DLG2: variants seen among roughly 807,000 people sequenced by gnomAD.
DLG2 encodes the protein discs large MAGUK scaffold protein 2, also known as disks large homolog 2.
A neutral mutation model predicts 132.5 loss-of-function variants in DLG2; 45 were observed. The observed-to-expected ratio is 0.34, with a 90% CI of 0.27 to 0.44. The LOEUF (loss-of-function observed/expected upper bound fraction) is 0.44, where lower values mean the gene tolerates loss of function less well. Ranked by LOEUF, DLG2 falls within the 20% of genes least tolerant of loss-of-function variation. The pLI is 1.00. For synonymous variants in DLG2, 424 were observed against 419.6 expected, an observed-to-expected ratio of 1.01 and a Z score of -0.13; for missense variants, 1,045 against 1,196.9, an observed-to-expected ratio of 0.87 and a Z score of 1.87.
intron 6 of DLG2, among the ~76,000 whole-genome samples, chr11:84,908,945 G>T (rs1449684297): frequency 2.6e-5 from 4 of 151,742 alleles, no homozygotes; most frequent in African/African-American, 9.7e-5. Context: ...TAAATAACTA[G>T]CTCATGATCA....
intron 8 of DLG2, among the ~76,000 whole-genome samples, chr11:84,195,636 C>T (rs1355242272): frequency 6.6e-6 from 1 of 152,154 alleles, no homozygotes; most frequent in Non-Finnish European, 1.5e-5. Context: ...CCTCAGTGCC[C>T]TCATCTAGAA....
chr11:85,428,228 A>C (rs1282775276), intron 3 of DLG2, among the ~76,000 whole-genome samples: 1 of 152,180 alleles, frequency 6.6e-6, no homozygotes, highest in Non-Finnish European at 1.5e-5. Flanking sequence ...TGACACAGAA[A>C]GTTAACAAGG....
intron 6 of DLG2, among the ~76,000 whole-genome samples, chr11:84,603,700 T>A (rs2099580681): frequency 6.6e-6 from 1 of 151,982 alleles, no homozygotes; most frequent in Non-Finnish European, 1.5e-5. Flanking sequence ...TCTTCTTAGT[T>A]CTCACAATAT....
intron 18 of DLG2, among the ~76,000 whole-genome samples, chr11:83,713,204 CT>C (rs1215027796): frequency 2.0e-5 from 3 of 152,094 alleles, no homozygotes; most frequent in Admixed American, 6.6e-5. Flanking sequence ...GTAAAAAGAT[CT>C]CATCATTGGG....
At chr11:84,539,472 T>C (rs539492905) in intron 6 of DLG2, among the ~76,000 whole-genome samples, 3 of 152,340 alleles carry the variant, frequency 2.0e-5, no homozygotes, top group Admixed American at 1.3e-4. Context: ...GATTTCTCTA[T>C]TGCCTACAAA....
intron 3 of DLG2, among the ~76,000 whole-genome samples, chr11:85,323,759 T>A (rs1212666773): frequency 6.6e-6 from 1 of 152,250 alleles, no homozygotes; most frequent in Non-Finnish European, 1.5e-5. Flanking sequence ...ACAATACTTG[T>A]ATTTCTGTGT....
intron 6 of DLG2, chr11:84,923,513 G>T: frequency 9.7e-7 from 1 of 1,031,006 alleles, no homozygotes. Flanking sequence ...TAACCAATGA[G>T]TTACTTATAT....
intron 8 of DLG2, among the ~76,000 whole-genome samples, chr11:84,210,394 G>A (rs1369051903): frequency 2.3e-5 from 3 of 128,712 alleles, no homozygotes; most frequent in African/African-American, 8.2e-5. Flanking sequence ...GGTGGGGTGG[G>A]GGGAGCGGGG....
chr11:84,644,838 C>T (rs374960071), intron 6 of DLG2, among the ~76,000 whole-genome samples: 34 of 152,042 alleles, frequency 2.2e-4, no homozygotes, highest in Middle Eastern at 3.4e-3. Context: ...GGTGCCTGAG[C>T]GCTGTGTGGC....
At chr11:83,492,149 C>T (rs1437860748) in intron 21 of DLG2, among the ~76,000 whole-genome samples, 3 of 152,034 alleles carry the variant, frequency 2.0e-5, no homozygotes, top group African/African-American at 4.8e-5. Flanking sequence ...CTTATCTAAA[C>T]CACTTTATTC....
At chr11:85,489,959 A>G (rs58261359) in intron 3 of DLG2, among the ~76,000 whole-genome samples, 5,205 of 152,192 alleles carry the variant, frequency 0.034, 282 homozygotes, top group African/African-American at 0.12. Flanking sequence ...AGACCAAGCT[A>G]TAAGGATTTT....
intron 6 of DLG2, among the ~76,000 whole-genome samples, chr11:84,950,863 A>T (rs1161328276): frequency 2.6e-5 from 4 of 152,228 alleles, no homozygotes; most frequent in African/African-American, 7.2e-5. Context: ...GGCTAGAAAA[A>T]AAAACTAAAC....
chr11:83,746,403 A>G (rs1343049535), intron 18 of DLG2, among the ~76,000 whole-genome samples: 4 of 152,222 alleles, frequency 2.6e-5, no homozygotes, highest in Non-Finnish European at 5.9e-5. Context: ...AGCCATCAAA[A>G]ATGATGAGTT....
chr11:83,508,245 CTT>C (rs761737091), intron 21 of DLG2, among the ~76,000 whole-genome samples: 25 of 140,328 alleles, frequency 1.8e-4, no homozygotes, highest in Admixed American at 2.9e-4. Flanking sequence ...GAATATACAT[CTT>C]TTTTTTTTTT....
At chr11:83,992,979 A>G (rs1241385096) in intron 11 of DLG2, among the ~76,000 whole-genome samples, 3 of 152,174 alleles carry the variant, frequency 2.0e-5, no homozygotes, top group African/African-American at 7.2e-5. Context: ...AAAATGGCAA[A>G]GAGCTGTGTT....
At chr11:85,386,516 GA>G (rs1314375700) in intron 3 of DLG2, among the ~76,000 whole-genome samples, 4 of 151,962 alleles carry the variant, frequency 2.6e-5, no homozygotes, top group African/African-American at 9.7e-5. Context: ...GAATTCGTAG[GA>G]CTATTTTAAA....
intron 3 of DLG2, among the ~76,000 whole-genome samples, chr11:85,361,496 C>G (rs1314755954): frequency 6.6e-6 from 1 of 152,106 alleles, no homozygotes; most frequent in Admixed American, 6.6e-5. Context: ...GCTATTATTC[C>G]ACTCTGCATG....
chr11:83,882,811 T>C (rs17146319), intron 15 of DLG2, among the ~76,000 whole-genome samples: 2,665 of 152,338 alleles, frequency 0.017, 78 homozygotes, highest in African/African-American at 0.06. Flanking sequence ...AATAGGATTA[T>C]CAACCAGGTA....
intron 21 of DLG2, among the ~76,000 whole-genome samples, chr11:83,491,036 A>G (rs1045783984): frequency 1.3e-5 from 2 of 151,956 alleles, no homozygotes; most frequent in African/African-American, 4.8e-5. Flanking sequence ...CATAATAAGG[A>G]TAAGAAAAAA....
Sources: gnomAD v4.1 joint callset for allele counts (sites outside exome capture counted in the v4.1 genomes callset) on GRCh38, gnomAD v4.1.1 for gene constraint, MANE v1.5 for transcripts, NCBI Gene and HGNC (gene_info 2026-07-23, HGNC 2026-07-21) for gene names.